SLMAP: variants seen among roughly 807,000 people sequenced by gnomAD.
SLMAP encodes sarcolemmal membrane-associated protein.
A neutral mutation model predicts 128.8 loss-of-function variants in SLMAP; 44 were observed. That is an observed-to-expected ratio of 0.34 (90% CI 0.27 to 0.44). The LOEUF (loss-of-function observed/expected upper bound fraction) is 0.44, where lower values mean the gene tolerates loss of function less well. Ranked by LOEUF, SLMAP falls within the 20% of genes least tolerant of loss-of-function variation. The probability of loss-of-function intolerance (pLI) is 1.00; values close to 1 mark genes in which losing one functional copy is unlikely to be tolerated. For synonymous variants in SLMAP, 327 were observed against 348.8 expected (o/e 0.94, Z 0.70); for missense variants, 787 against 985.3 (o/e 0.80, Z 2.69).
chr3:57,885,006 A>G (rs987277348), intron 14 of SLMAP, among the ~76,000 whole-genome samples: 3 of 152,188 alleles, frequency 2.0e-5, no homozygotes, highest in African/African-American at 7.2e-5. Flanking sequence ...ACCAAAAAAC[A>G]AACAAAAAAA....
intron 5 of SLMAP, among the ~76,000 whole-genome samples, chr3:57,848,917 C>T (rs1264866035): frequency 6.6e-6 from 1 of 151,924 alleles, no homozygotes; most frequent in African/African-American, 2.4e-5. Flanking sequence ...CCATGTCGGT[C>T]AGGCTGGTCT....
At chr3:57,920,378 T>C (rs2096895242) in intron 22 of SLMAP, among the ~76,000 whole-genome samples, 1 of 152,250 alleles carries the variant, frequency 6.6e-6, no homozygotes, top group Admixed American at 6.5e-5. Context: ...TCTGTACCTA[T>C]ATCTTTCTTC....
At position 57,858,283 on chromosome 3, in the gene SLMAP, T is replaced by C. The variant is rs1489010309; in HGVS notation, c.687+124T>C. 5 of 657,032 alleles carry C rather than the reference T, an allele frequency of 7.6e-6. No individual in the cohort carries two copies. The East Asian group carries it at 1.3e-4, about 17-fold the overall frequency. 40.7% of individuals were successfully genotyped at this position (657,032 alleles called of 1,614,324 possible). ...CATTTCCACAATTCTTTTAAATCTTTTGTGCTGAGAAACGTCAGACATCCA... is the reference window on the plus strand; with the variant it reads ...CATTTCCACAATTCTTTTAAATCTTCTGTGCTGAGAAACGTCAGACATCCA... On this transcript the variant is annotated intron_variant, in intron 8 of 24. Coordinates refer to ENST00000671191, the MANE Select transcript of SLMAP (RefSeq NM_001377540.1).
intron 2 of SLMAP, among the ~76,000 whole-genome samples, chr3:57,801,811 T>G (rs1196938026): frequency 6.6e-6 from 1 of 152,100 alleles, no homozygotes; most frequent in Non-Finnish European, 1.5e-5. Flanking sequence ...TCCAGTAGTT[T>G]GTGCCAGTTG....
chr3:57,882,365 G>C (rs993655864), intron 14 of SLMAP, among the ~76,000 whole-genome samples: 1 of 152,208 alleles, frequency 6.6e-6, no homozygotes, highest in African/African-American at 2.4e-5. Flanking sequence ...AAGACTGTAA[G>C]GGGATAGGGA....
At chr3:57,853,588 A>G (rs994646909) in intron 6 of SLMAP, among the ~76,000 whole-genome samples, 1 of 152,104 alleles carries the variant, frequency 6.6e-6, no homozygotes, top group African/African-American at 2.4e-5. Flanking sequence ...CTTAACAGCT[A>G]TTAACTGTTA....
chr3:57,838,656 C>T (rs1290997509), intron 3 of SLMAP, among the ~76,000 whole-genome samples: 1 of 152,130 alleles, frequency 6.6e-6, no homozygotes, highest in Non-Finnish European at 1.5e-5. Context: ...ACATCTTACC[C>T]AGATACTGAG....
chr3:57,807,405 A>C (rs2090100527), intron 2 of SLMAP, among the ~76,000 whole-genome samples: 1 of 152,166 alleles, frequency 6.6e-6, no homozygotes, highest in African/African-American at 2.4e-5. Flanking sequence ...GCTTTTGCCC[A>C]TTCAGTATGA....
At chr3:57,829,869 A>G (rs1306272139) in intron 2 of SLMAP, among the ~76,000 whole-genome samples, 3 of 152,174 alleles carry the variant, frequency 2.0e-5, no homozygotes, top group Admixed American at 6.5e-5. Context: ...TAAATGAAAC[A>G]TAAAGTCTGT....
chr3:57,860,789 C>A lies in SLMAP; in HGVS notation c.778C>A (p.Arg260=). The A allele has an allele frequency of 6.3e-7, 1 of 1,596,002 alleles. No homozygotes were observed. Among genetic ancestry groups the A allele is most frequent in the African/African-American group, 1.4e-5 (1 of 73,544 alleles). ...YETTAKESLR[R]VLQEKIEVVR... ...GACAACAGCCAAAGAGTCCCTGAGG[C>A]GGGTTCTTCAGGAGAAAATTGAAGT... The change falls in exon 9 of 25, where the codon CGG becomes AGG. Residue 260 remains arginine, a synonymous_variant. Transcript: ENST00000671191.
At chr3:57,925,556 G>A (rs2096992627) in intron 23 of SLMAP, among the ~76,000 whole-genome samples, 1 of 151,974 alleles carries the variant, frequency 6.6e-6, no homozygotes, top group Non-Finnish European at 1.5e-5. Context: ...TCAAACTCCT[G>A]ACCTCAGGTG....
chr3:57,829,005 A>C (rs1452692372), intron 2 of SLMAP, among the ~76,000 whole-genome samples: 3 of 150,904 alleles, frequency 2.0e-5, no homozygotes, highest in Non-Finnish European at 4.4e-5. Context: ...CTGGTCTTGA[A>C]CTCCTGGGCT....
At chr3:57,896,733 T>C in intron 16 of SLMAP, 140 bp from the exon 17 acceptor site, 1 of 1,308,328 alleles carries the variant, frequency 7.6e-7, no homozygotes, top group Non-Finnish European at 1.0e-6. Flanking sequence ...CTTTGAATGC[T>C]GGATATTTTG....
At chr3:57,836,180 C>T (rs1476184376) in intron 3 of SLMAP, among the ~76,000 whole-genome samples, 2 of 151,894 alleles carry the variant, frequency 1.3e-5, no homozygotes, top group Admixed American at 6.6e-5. Flanking sequence ...ACATATATAT[C>T]TCTAGATCTT....
intron 2 of SLMAP, among the ~76,000 whole-genome samples, chr3:57,765,008 A>G (rs1257619019): frequency 6.6e-6 from 1 of 152,222 alleles, no homozygotes; most frequent in East Asian, 1.9e-4. Flanking sequence ...AATGGATGAA[A>G]CAGTTTCATG....
At chr3:57,810,102 AGCTTCCAGGTGCCACCATGTTCCCTGGTG>A (rs2090678621) in intron 2 of SLMAP, among the ~76,000 whole-genome samples, 1 of 152,126 alleles carries the variant, frequency 6.6e-6, no homozygotes, top group Admixed American at 6.5e-5. Context: ...GGAGGCTCCA[AGCTTCCAGGTGCCACCATGTTCCCTGGTG>A]GCAACCATGG....
intron 2 of SLMAP, among the ~76,000 whole-genome samples, chr3:57,766,131 T>C (rs28606385): frequency 0.3 from 42,907 of 145,122 alleles, 6,769 homozygotes; most frequent in East Asian, 0.48. Flanking sequence ...CCTGAGTAGC[T>C]GGGACTACAG....
At chr3:57,927,187 T>C (rs375996277) in intron 24 of SLMAP, 109 bp from the exon 25 acceptor site, 15 of 519,238 alleles carry the variant, frequency 2.9e-5, no homozygotes, top group African/African-American at 2.5e-4. Flanking sequence ...AGAAATAAGA[T>C]TTTTCCAATA....
At chr3:57,863,392 T>A (rs1321867188) in intron 10 of SLMAP, among the ~76,000 whole-genome samples, 1 of 152,232 alleles carries the variant, frequency 6.6e-6, no homozygotes, top group Admixed American at 6.5e-5. Context: ...AGAGCATACC[T>A]CCGTTGGTTA....
Sources: gnomAD v4.1 joint callset for allele counts (sites outside exome capture counted in the v4.1 genomes callset) on GRCh38, gnomAD v4.1.1 for gene constraint, MANE v1.5 for transcripts, NCBI Gene and HGNC (gene_info 2026-07-23, HGNC 2026-07-21) for gene names.